The following HMCN2 variants were observed in gnomAD, a reference collection of about 807,000 sequenced individuals.
The protein encoded by HMCN2 is hemicentin 2.
HMCN2 carries 325 observed loss-of-function variants against 377.5 expected under a neutral mutation model. The observed-to-expected ratio is 0.86, with a 90% CI of 0.79 to 0.94. HMCN2 has a LOEUF of 0.94. HMCN2 is among the 40% of genes least tolerant of loss of function. The probability of loss-of-function intolerance (pLI) is 0.00; values close to 1 mark genes in which losing one functional copy is unlikely to be tolerated. For synonymous variants in HMCN2, 2,007 were observed against 2,046.8 expected, an observed-to-expected ratio of 0.98 and a Z score of 0.53; for missense variants, 4,543 against 4,725.3, an observed-to-expected ratio of 0.96 and a Z score of 1.13.
intron 4 of HMCN2, among the ~76,000 whole-genome samples, chr9:130,291,935 A>T (rs1469016472): frequency 6.6e-6 from 1 of 151,294 alleles, no homozygotes; most frequent in Non-Finnish European, 1.5e-5. Context: ...TTTTTTTATG[A>T]CACTAAGCTG....
At chr9:130,346,234 G>A (rs1164362388) in intron 25 of HMCN2, among the ~76,000 whole-genome samples, 2 of 152,122 alleles carry the variant, frequency 1.3e-5, no homozygotes, top group East Asian at 1.9e-4. Context: ...CTCACGCTGC[G>A]ACCTCTGGGC....
Position 130,407,610 on chromosome 9 carries a change from G to C in HMCN2, c.12593G>C (p.Arg4198Pro), listed in dbSNP as rs971204643. The C allele has an allele frequency of 4.7e-6, 6 of 1,289,030 alleles. No individual in the cohort carries two copies. Among genetic ancestry groups the C allele is most frequent in the Non-Finnish European group, 6.1e-6 (6 of 988,556 alleles). 79.8% of individuals were successfully genotyped at this position (1,289,030 alleles called of 1,614,324 possible). A position where few individuals can be genotyped will look rare whatever the true frequency, so the allele number is the denominator to read the frequency against. Residue 4198 changes from arginine to proline, a missense_variant, in exon 83 of 98, where the codon CGG becomes CCG. By Grantham distance (103) the Arg-to-Pro change is moderately radical. This residue lies in a region of HMCN2 where 1,073 missense variants were observed against 1,319.5 expected (regional missense o/e 0.81). Transcript: ENST00000683500. ...SEQDGGSTLQ[R>P]AAVSREDSGT... ...CAGGATGGAGGCAGCACGCTGCAGCGGGCCGCTGTCTCCAGAGAAGACAGC... is the reference window on the plus strand; with the variant it reads ...CAGGATGGAGGCAGCACGCTGCAGCCGGCCGCTGTCTCCAGAGAAGACAGC...
intron 80 of HMCN2, among the ~76,000 whole-genome samples, chr9:130,404,657 A>G (rs1001699184): frequency 6.6e-6 from 1 of 152,236 alleles, no homozygotes; most frequent in African/African-American, 2.4e-5. Flanking sequence ...ACACGTGTGC[A>G]CAGGTGCAAT....
Position 130,391,430 on chromosome 9 carries a change from G to T in HMCN2, c.9828-20G>T, listed in dbSNP as rs1842317040. The T allele has an allele frequency of 1.0e-6, 1 of 987,908 alleles. No homozygotes were observed. The allele number at this position is 987,908 out of a possible 1,614,324, so 61.2% of individuals were successfully genotyped here. ...ATGTTCCCTTACGCCTCTGCCCTGG[G>T]CCCTCCTTCCCTGTGGCAGGTTCTA... On this transcript the variant is annotated intron_variant, in intron 64 of 97. Coordinates refer to ENST00000683500, the MANE Select transcript of HMCN2 (RefSeq NM_001291815.2).
chr9:130,413,470 T>C (rs189504923), intron 85 of HMCN2, among the ~76,000 whole-genome samples: 15 of 152,240 alleles, frequency 9.9e-5, no homozygotes, highest in Non-Finnish European at 1.8e-4. Context: ...TGGAATAGGT[T>C]TGTGGTCCAG....
rs1421373189 is a variant in HMCN2, at chr9:130,299,083, C to A, written c.1071C>A (p.Asp357Glu). Residue 357 changes from aspartate to glutamate, a missense_variant, in exon 8 of 98, where the codon GAC (aspartate) becomes GAA (glutamate). This residue lies in a region of HMCN2 where 547 missense variants were observed against 189.9 expected (regional missense o/e 2.88). Coordinates refer to ENST00000683500, the MANE Select transcript of HMCN2 (RefSeq NM_001291815.2). ...GCCTGAAGGCACCCGGCCGCCTAGA[C>A]TCGGTGGAGCTGGCACAAAGCTCAG... ...STGLKAPGRL[D>E]SVELAQSSGK... 1.3e-5 allele frequency: 6 copies of A among 471,142 alleles called. No homozygotes were observed. The highest frequency in any genetic ancestry group is 2.6e-5 in the Non-Finnish European group (6 of 227,006). The allele number at this position is 471,142 out of a possible 1,614,324, so 29.2% of individuals were successfully genotyped here.
At chr9:130,402,362 G>A (rs1842893548) in intron 77 of HMCN2, among the ~76,000 whole-genome samples, 1 of 152,246 alleles carries the variant, frequency 6.6e-6, no homozygotes. Context: ...AGGCCAGGAG[G>A]ATAAAGGGAG....
intron 81 of HMCN2, 96 bp from the exon 82 acceptor site, chr9:130,405,859 G>A (rs1843063803): frequency 1.1e-6 from 1 of 942,968 alleles, no homozygotes; most frequent in African/African-American, 1.7e-5. Flanking sequence ...CCCCTCTCTG[G>A]GCTGGATGCT....
intron 56 of HMCN2, 47 bp downstream of exon 56, chr9:130,382,913 C>T (rs190616254): frequency 2.1e-6 from 2 of 961,640 alleles, no homozygotes; most frequent in East Asian, 1.2e-4. Flanking sequence ...CTGCTGAGGC[C>T]CAGCACCACT....
intron 1 of HMCN2, among the ~76,000 whole-genome samples, chr9:130,271,157 T>C (rs782456801): frequency 6.7e-6 from 1 of 148,980 alleles, no homozygotes; most frequent in Non-Finnish European, 1.5e-5. Flanking sequence ...ATCACGGTGA[T>C]GGAACGCTGT....
chr9:130,294,471 G>A (rs1442866363), intron 4 of HMCN2, among the ~76,000 whole-genome samples: 1 of 152,208 alleles, frequency 6.6e-6, no homozygotes, highest in Non-Finnish European at 1.5e-5. Flanking sequence ...GGGATAATCA[G>A]TCATGAACTA....
intron 74 of HMCN2, among the ~76,000 whole-genome samples, chr9:130,398,177 A>T (rs1367627565): frequency 6.6e-6 from 1 of 151,142 alleles, no homozygotes; most frequent in African/African-American, 2.4e-5. Flanking sequence ...AAAAAAAAAA[A>T]AGTAAAACAT....
At chr9:130,385,181 G>A (rs1166872084) in intron 59 of HMCN2, among the ~76,000 whole-genome samples, 1 of 151,846 alleles carries the variant, frequency 6.6e-6, no homozygotes, top group Non-Finnish European at 1.5e-5. Context: ...CGCTAGGCCT[G>A]TGGGCTCACA....
intron 94 of HMCN2, 84 bp downstream of exon 94, chr9:130,429,769 G>C (rs1388664627): frequency 7.7e-7 from 1 of 1,296,086 alleles, no homozygotes; most frequent in African/African-American, 1.5e-5. Context: ...GCCCTGCCTA[G>C]TTACGGGGAC....
At chr9:130,285,795 A>G (rs1403506271) in intron 3 of HMCN2, among the ~76,000 whole-genome samples, 4 of 152,100 alleles carry the variant, frequency 2.6e-5, no homozygotes, top group Non-Finnish European at 5.9e-5. Flanking sequence ...CTTGGGCAAG[A>G]TCCACAGGGC....
Position 130,345,940 on chromosome 9 carries a change from C to T in HMCN2, c.3830-1226C>T, listed in dbSNP as rs1021313299. Among the ~76,000 whole-genome samples, 955 of 152,094 alleles carry T rather than the reference C, an allele frequency of 6.3e-3. 7 individuals carry two copies. Among genetic ancestry groups the T allele is most frequent in the African/African-American group, 0.021 (863 of 41,440 alleles). On this transcript the variant is annotated intron_variant, in intron 25 of 97. Transcript: ENST00000683500. ...TGCCTTCCACATGCCATGTCTTCCC[C>T]GCCACCATGCTTACTGGTCCTTCCA...
intron 85 of HMCN2, among the ~76,000 whole-genome samples, chr9:130,417,383 G>A (rs757953431): frequency 2.0e-5 from 3 of 151,598 alleles, no homozygotes; most frequent in African/African-American, 4.8e-5. Context: ...TTAGCCAGGC[G>A]TGGTGGCACA....
chr9:130,304,660 C>G lies in HMCN2; in HGVS notation c.1544-70C>G, dbSNP rs76577761. The G allele has an allele frequency of 2.5e-6, 1 of 407,980 alleles. No individual in the cohort carries two copies. The highest frequency in any genetic ancestry group is 2.5e-5 in the Admixed American group (1 of 39,620). The allele number at this position is 407,980 out of a possible 1,614,324, so 25.3% of individuals were successfully genotyped here. On this transcript the variant is annotated intron_variant, in intron 10 of 97. Transcript: ENST00000683500. The surrounding 1 kb of genome is among the most constrained non-coding windows in gnomAD (Gnocchi z 4.3). ...CCTCAGGGTGGGGTTCTGGGCAGCA[C>G]CAGGGCTTGCACGATGACCCCCTCC...
intron 74 of HMCN2, among the ~76,000 whole-genome samples, chr9:130,397,866 G>A (rs1048047323): frequency 1.3e-5 from 2 of 152,052 alleles, no homozygotes; most frequent in Non-Finnish European, 1.5e-5. Context: ...ACAGCGATTC[G>A]ATTAAGTAAG....
Sources: allele counts gnomAD v4.1 joint callset (sites outside exome capture counted in the v4.1 genomes callset), GRCh38; gene constraint gnomAD v4.1.1; regional missense constraint gnomAD v4.1.1; non-coding constraint Gnocchi (gnomAD v3.1); transcripts MANE v1.5; gene names NCBI Gene and HGNC (gene_info 2026-07-23, HGNC 2026-07-21).